IQCM: variants seen among roughly 807,000 people sequenced by gnomAD.
IQCM encodes IQ domain-containing protein M.
A neutral mutation model predicts 57.6 loss-of-function variants in IQCM; 45 were observed. That is an observed-to-expected ratio of 0.78 (90% CI 0.62 to 1.00). The LOEUF is 1.00. Ranked by LOEUF, IQCM falls within the 50% of genes least tolerant of loss-of-function variation. The pLI is 0.00. For synonymous variants in IQCM, 148 were observed against 158.9 expected, an observed-to-expected ratio of 0.93 and a Z score of 0.51; for missense variants, 468 against 511.6, an observed-to-expected ratio of 0.91 and a Z score of 0.82.
chr4:149,647,386 A>G (rs552356082), intron 7 of IQCM, among the ~76,000 whole-genome samples: 1 of 152,070 alleles, frequency 6.6e-6, no homozygotes, highest in East Asian at 1.9e-4. Context: ...TCCTTCATGA[A>G]AGTTTGTTGG....
chr4:149,559,444 G>A (rs1223870517), intron 10 of IQCM, among the ~76,000 whole-genome samples: 1 of 152,084 alleles, frequency 6.6e-6, no homozygotes, highest in Non-Finnish European at 1.5e-5. Flanking sequence ...CATTGATATT[G>A]TCTTTCCTGT....
intron 7 of IQCM, among the ~76,000 whole-genome samples, chr4:149,648,813 G>A (rs1758889533): frequency 6.6e-6 from 1 of 151,592 alleles, no homozygotes. Flanking sequence ...CGAGTTAATG[G>A]ATGCAGCACA....
chr4:149,814,659 T>C (rs1003462899), intron 2 of IQCM, among the ~76,000 whole-genome samples: 3 of 152,006 alleles, frequency 2.0e-5, no homozygotes, highest in Admixed American at 6.6e-5. Flanking sequence ...TCACCTCTGT[T>C]CCATCCCACT....
At chr4:149,769,227 T>C (rs1770336001) in intron 2 of IQCM, among the ~76,000 whole-genome samples, 1 of 152,010 alleles carries the variant, frequency 6.6e-6, no homozygotes, top group Non-Finnish European at 1.5e-5. Context: ...AACTCTTCCA[T>C]ACCCATGAAT....
intron 2 of IQCM, among the ~76,000 whole-genome samples, chr4:149,812,276 T>C (rs953434417): frequency 1.3e-5 from 2 of 152,158 alleles, no homozygotes; most frequent in Non-Finnish European, 2.9e-5. Flanking sequence ...AAATCCTTTG[T>C]TGTGGAAGTG....
chr4:149,508,223 A>G (rs757471948), intron 12 of IQCM, among the ~76,000 whole-genome samples: 1 of 152,108 alleles, frequency 6.6e-6, no homozygotes, highest in Non-Finnish European at 1.5e-5. Context: ...AGAGCCCCCA[A>G]ACAAAGTCCC....
intron 2 of IQCM, among the ~76,000 whole-genome samples, chr4:149,772,694 G>A (rs1770701409): frequency 6.6e-6 from 1 of 152,156 alleles, no homozygotes; most frequent in South Asian, 2.1e-4. Flanking sequence ...GTTAACATTG[G>A]TTAGTAACAG....
chr4:149,442,327 A>G (rs1377726700), intron 12 of IQCM, among the ~76,000 whole-genome samples: 2 of 152,076 alleles, frequency 1.3e-5, no homozygotes, highest in Non-Finnish European at 2.9e-5. Context: ...AATTTTCCAA[A>G]TCATCTAGTC....
intron 12 of IQCM, among the ~76,000 whole-genome samples, chr4:149,455,866 T>G (rs997374637): frequency 6.6e-6 from 1 of 151,712 alleles, no homozygotes; most frequent in Non-Finnish European, 1.5e-5. Flanking sequence ...TCCTAGCTAC[T>G]AGGGAGATTG....
At chr4:149,543,225 G>T (rs1748031684) in intron 12 of IQCM, among the ~76,000 whole-genome samples, 1 of 151,786 alleles carries the variant, frequency 6.6e-6, no homozygotes, top group African/African-American at 2.4e-5. Flanking sequence ...ACATCCATAT[G>T]GCAGATTACT....
At chr4:149,739,821 C>T (rs1002123264) in intron 3 of IQCM, among the ~76,000 whole-genome samples, 1 of 152,062 alleles carries the variant, frequency 6.6e-6, no homozygotes. Flanking sequence ...CATTTTCACA[C>T]ATTTATCTTT....
chr4:149,607,946 G>A (rs565325741), intron 8 of IQCM, among the ~76,000 whole-genome samples: 1 of 151,908 alleles, frequency 6.6e-6, no homozygotes, highest in East Asian at 1.9e-4. Flanking sequence ...GAATGTAAAT[G>A]AACTAAATTT....
intron 5 of IQCM, among the ~76,000 whole-genome samples, chr4:149,693,694 A>G (rs1358868886): frequency 6.6e-6 from 1 of 152,216 alleles, no homozygotes; most frequent in Non-Finnish European, 1.5e-5. Flanking sequence ...TTTCTAATTT[A>G]ACATCACAGT....
chr4:149,372,118 A>T (rs1026408513), intron 13 of IQCM, among the ~76,000 whole-genome samples: 2 of 152,212 alleles, frequency 1.3e-5, no homozygotes, highest in African/African-American at 4.8e-5. Context: ...TTAAGGAGCT[A>T]CTAAATGCCA....
intron 13 of IQCM, among the ~76,000 whole-genome samples, chr4:149,412,019 G>C (rs1359415133): frequency 6.6e-6 from 1 of 151,854 alleles, no homozygotes; most frequent in Non-Finnish European, 1.5e-5. Context: ...TGTCTTCATA[G>C]ATCTTTACAC....
intron 13 of IQCM, among the ~76,000 whole-genome samples, chr4:149,399,370 A>G (rs1003983455): frequency 4.6e-5 from 7 of 152,024 alleles, no homozygotes; most frequent in African/African-American, 1.7e-4. Flanking sequence ...CGTATTAATT[A>G]GACGAAGTGG....
At chr4:149,707,328 A>G (rs1228000850) in intron 5 of IQCM, among the ~76,000 whole-genome samples, 4 of 152,028 alleles carry the variant, frequency 2.6e-5, no homozygotes, top group Non-Finnish European at 5.9e-5. Flanking sequence ...ATGCTTTGAA[A>G]CTGCAAATAT....
intron 2 of IQCM, among the ~76,000 whole-genome samples, chr4:149,796,406 C>T (rs1773122163): frequency 6.6e-6 from 1 of 152,124 alleles, no homozygotes; most frequent in Admixed American, 6.5e-5. Flanking sequence ...CAGTAGAATA[C>T]CAGGTAGACT....
At chr4:149,681,329 T>C (rs1485729885) in intron 7 of IQCM, among the ~76,000 whole-genome samples, 1 of 151,260 alleles carries the variant, frequency 6.6e-6, no homozygotes, top group Non-Finnish European at 1.5e-5. Context: ...TCTGAACCAA[T>C]GTAACAATCA....
Sources: allele counts gnomAD v4.1 joint callset (sites outside exome capture counted in the v4.1 genomes callset), GRCh38; gene constraint gnomAD v4.1.1; transcripts MANE v1.5; gene names NCBI Gene and HGNC (gene_info 2026-07-23, HGNC 2026-07-21).